The following MYLK4 variants were observed in gnomAD, a reference collection of about 807,000 sequenced individuals.
MYLK4 encodes the protein caMLCK like.
MYLK4 carries 46 observed loss-of-function variants against 48.1 expected under a neutral mutation model. The ratio of observed to expected loss-of-function variants is 0.96; its 90% CI spans 0.75 to 1.22. The LOEUF (loss-of-function observed/expected upper bound fraction) is 1.22. Ranked by LOEUF, MYLK4 falls within the 50% of genes most tolerant of loss-of-function variation. The pLI, the probability that MYLK4 is intolerant of heterozygous loss-of-function variation, is 0.00. For synonymous variants in MYLK4, 170 were observed against 180.8 expected (o/e 0.94, Z 0.48); for missense variants, 451 against 486.1 (o/e 0.93, Z 0.68).
intron 12 of MYLK4, among the ~76,000 whole-genome samples, chr6:2,670,965 C>G (rs1046799619): frequency 6.6e-6 from 1 of 152,006 alleles, no homozygotes; most frequent in African/African-American, 2.4e-5. Context: ...CCAGCACCCC[C>G]TGGGCTGGTT....
chr6:2,682,601 G>A (rs1761353313), intron 7 of MYLK4, among the ~76,000 whole-genome samples: 1 of 152,156 alleles, frequency 6.6e-6, no homozygotes, highest in Non-Finnish European at 1.5e-5. Context: ...GGAGCTTCCT[G>A]AGTGACTCGA....
the MYLK4 span, among the ~76,000 whole-genome samples, chr6:2,760,458 GA>G: frequency 6.6e-6 from 1 of 152,166 alleles, no homozygotes; most frequent in Non-Finnish European, 1.5e-5. Flanking sequence ...AGGCATGATT[GA>G]TTAAATTGTT....
chr6:2,696,085 T>C (rs1718804488), intron 2 of MYLK4, among the ~76,000 whole-genome samples: 1 of 152,242 alleles, frequency 6.6e-6, no homozygotes, highest in Non-Finnish European at 1.5e-5. Flanking sequence ...TCTTTGGAAC[T>C]ATTTACCAAT....
At chr6:2,718,389 T>A (rs1762947222) in intron 2 of MYLK4, among the ~76,000 whole-genome samples, 1 of 152,226 alleles carries the variant, frequency 6.6e-6, no homozygotes, top group Non-Finnish European at 1.5e-5. Flanking sequence ...GATACCTGGA[T>A]AATGTGCTCT....
the MYLK4 span, among the ~76,000 whole-genome samples, chr6:2,765,183 C>CCA: frequency 4.7e-4 from 9 of 19,332 alleles, no homozygotes; most frequent in African/African-American, 8.0e-4. Flanking sequence ...CGCCTCGCAA[C>CCA]CCCCCCCCCC....
rs1325758112 is a variant in MYLK4, at chr6:2,685,964, A to T, written c.342-388T>A. Among the ~76,000 whole-genome samples the T allele has an allele frequency of 6.6e-6, 1 of 151,272 alleles. No individual in the cohort carries two copies. The highest frequency in any genetic ancestry group is 2.4e-5 in the African/African-American group (1 of 41,128). On this transcript the variant is annotated intron_variant, in intron 4 of 12. Coordinates refer to ENST00000274643, the MANE Select transcript of MYLK4 (RefSeq NM_001012418.5). The surrounding 1 kb of genome is among the most constrained non-coding windows in gnomAD (Gnocchi z 4.5). ...GTGTCTGTAGTCCCAGCTACTCGGG[A>T]GGCTGAGGCAGGAGAACGGCGTGAA... is the stretch of plus-strand genomic sequence containing the variant.
At chr6:2,748,427 G>A (rs9503294) in intron 2 of MYLK4, among the ~76,000 whole-genome samples, 537 of 152,314 alleles carry the variant, frequency 3.5e-3, no homozygotes, top group African/African-American at 0.012. Context: ...AGGAGCCAAC[G>A]GATGATGGGC....
At chr6:2,698,334 G>A (rs538767360) in intron 2 of MYLK4, among the ~76,000 whole-genome samples, 12 of 152,134 alleles carry the variant, frequency 7.9e-5, no homozygotes, top group African/African-American at 1.7e-4. Flanking sequence ...AGCTCTGAAC[G>A]TATCACCCAC....
At position 2,735,013 on chromosome 6, in the gene MYLK4, A is replaced by G. The variant is rs147309509; in HGVS notation, c.159+14123T>C. Among the ~76,000 whole-genome samples the G allele has an allele frequency of 3.0e-3, 450 of 152,340 alleles. 2 individuals are homozygous for G. The highest frequency in any genetic ancestry group is 4.4e-3 in the Non-Finnish European group (298 of 68,034). ...TTGTGATGATGTTTGCATCACACAT[A>G]AAACAGCACCTGTCAAAGCTTAGAA... is the stretch of plus-strand genomic sequence containing the variant. On this transcript the variant is annotated intron_variant, in intron 2 of 12. Coordinates refer to ENST00000274643, the MANE Select transcript of MYLK4 (RefSeq NM_001012418.5).
At chr6:2,687,851 G>T (rs1761617771) in intron 4 of MYLK4, among the ~76,000 whole-genome samples, 1 of 152,162 alleles carries the variant, frequency 6.6e-6, no homozygotes, top group Admixed American at 6.5e-5. Context: ...AGTACATTTT[G>T]TATGTATACG....
the MYLK4 span, among the ~76,000 whole-genome samples, chr6:2,758,100 C>T: frequency 6.6e-6 from 1 of 152,092 alleles, no homozygotes; most frequent in Admixed American, 6.6e-5. Context: ...AAATAATAGC[C>T]TTTATGGTTA....
intron 2 of MYLK4, among the ~76,000 whole-genome samples, chr6:2,724,735 C>A (rs1763195935): frequency 6.6e-6 from 1 of 152,158 alleles, no homozygotes; most frequent in Admixed American, 6.5e-5. Context: ...GAATATTGTA[C>A]ATAGCACAGC....
chr6:2,764,394 C>A, the MYLK4 span, among the ~76,000 whole-genome samples: 1 of 152,050 alleles, frequency 6.6e-6, no homozygotes, highest in South Asian at 2.1e-4. Flanking sequence ...CCAGCCTGGG[C>A]GACAGAACGA....
At chr6:2,683,412 T>G (rs1761401767) in intron 6 of MYLK4, among the ~76,000 whole-genome samples, 1 of 136,356 alleles carries the variant, frequency 7.3e-6, no homozygotes, top group South Asian at 2.6e-4. Flanking sequence ...TGTGTGTGTG[T>G]GTGTGTGTGT....
chr6:2,684,670 T>A (rs1761457833), intron 6 of MYLK4, among the ~76,000 whole-genome samples: 1 of 152,182 alleles, frequency 6.6e-6, no homozygotes, highest in African/African-American at 2.4e-5. Context: ...GTATAACAAC[T>A]GTATATGTGG....
intron 2 of MYLK4, among the ~76,000 whole-genome samples, chr6:2,697,537 C>T (rs1370589628): frequency 6.6e-6 from 1 of 152,234 alleles, no homozygotes; most frequent in East Asian, 1.9e-4. Flanking sequence ...TCTCGCCCTG[C>T]GTCACAGACC....
chr6:2,679,966 A>G lies in MYLK4; in HGVS notation c.758+255T>C, dbSNP rs1761229416. ...GAGGGGACAAACTCTTGCAAATGCTAAATTAATGGCTTCTAATTTAATAAA... is the reference window on the plus strand; with the variant it reads ...GAGGGGACAAACTCTTGCAAATGCTGAATTAATGGCTTCTAATTTAATAAA... On this transcript the variant is annotated intron_variant, in intron 8 of 12. Transcript: ENST00000274643. 3.3e-5 allele frequency among the ~76,000 whole-genome samples: 5 copies of G among 152,204 alleles called. No individual in the cohort carries two copies. The South Asian group carries it at 1.0e-3, about 32-fold the overall frequency.
At chr6:2,748,954 A>G (rs915477670) in intron 2 of MYLK4, among the ~76,000 whole-genome samples, 182 bp downstream of exon 2, 4 of 152,226 alleles carry the variant, frequency 2.6e-5, no homozygotes, top group African/African-American at 7.2e-5. Context: ...GCAGTTTCAA[A>G]GGCCTCCTAA....
At chr6:2,697,369 C>T (rs933780811) in intron 2 of MYLK4, among the ~76,000 whole-genome samples, 3 of 152,252 alleles carry the variant, frequency 2.0e-5, no homozygotes, top group Non-Finnish European at 4.4e-5. Flanking sequence ...CAGTATTCAT[C>T]GCTTGCGTGC....
Sources: gnomAD v4.1 joint callset for allele counts (sites outside exome capture counted in the v4.1 genomes callset) on GRCh38, gnomAD v4.1.1 for gene constraint, Gnocchi (gnomAD v3.1) non-coding constraint, MANE v1.5 for transcripts, NCBI Gene and HGNC (gene_info 2026-07-23, HGNC 2026-07-21) for gene names.